SHB: variants seen among roughly 807,000 people sequenced by gnomAD.
SHB encodes SH2 domain-containing adapter protein B.
In SHB, 20 loss-of-function variants were observed where a neutral mutation model predicts 52.3. The ratio of observed to expected loss-of-function variants is 0.38; its 90% confidence interval spans 0.27 to 0.56. The LOEUF is 0.56. Ranked by LOEUF, SHB falls within the 20% of genes least tolerant of loss-of-function variation. SHB has a pLI of 0.71. For synonymous variants in SHB, 397 were observed against 316.5 expected (o/e 1.25, Z -2.70); for missense variants, 825 against 723.3 (o/e 1.14, Z -1.61).
intron 2 of SHB, among the ~76,000 whole-genome samples, chr9:38,013,325 G>A (rs1821166367): frequency 6.6e-6 from 1 of 152,170 alleles, no homozygotes; most frequent in Non-Finnish European, 1.5e-5. Context: ...TCATTTAAAA[G>A]GCAAAGTCGG....
At chr9:37,935,453 T>C (rs1328238947) in intron 5 of SHB, among the ~76,000 whole-genome samples, 3 of 152,080 alleles carry the variant, frequency 2.0e-5, no homozygotes, top group Non-Finnish European at 4.4e-5. Context: ...TGGGGAGTTG[T>C]TGAAGGGATG....
At chr9:38,012,686 A>G (rs548937762) in intron 2 of SHB, among the ~76,000 whole-genome samples, 2 of 151,680 alleles carry the variant, frequency 1.3e-5, no homozygotes, top group African/African-American at 4.8e-5. Flanking sequence ...TGACCATCCC[A>G]TATCTGCTTG....
chr9:38,007,525 T>C (rs537361300), intron 2 of SHB, among the ~76,000 whole-genome samples: 76 of 152,234 alleles, frequency 5.0e-4, no homozygotes, highest in African/African-American at 1.8e-3. Context: ...AGCAAGTGGC[T>C]AAACTCAGAC....
chr9:38,049,350 T>G (rs978739252), intron 1 of SHB, among the ~76,000 whole-genome samples: 2 of 152,048 alleles, frequency 1.3e-5, no homozygotes, highest in Non-Finnish European at 1.5e-5. Context: ...GGCTCATGCC[T>G]GTAATCCCAG....
intron 3 of SHB, among the ~76,000 whole-genome samples, chr9:37,963,186 T>C (rs1196371602): frequency 1.3e-5 from 2 of 151,782 alleles, no homozygotes; most frequent in African/African-American, 4.8e-5. Flanking sequence ...GGATAGGGGG[T>C]CATTCAAAGA....
intron 5 of SHB, among the ~76,000 whole-genome samples, chr9:37,925,249 C>T (rs1302721515): frequency 6.6e-6 from 1 of 152,232 alleles, no homozygotes; most frequent in Non-Finnish European, 1.5e-5. Flanking sequence ...GCTGGTCGAC[C>T]TTGTCCCTGA....
intron 2 of SHB, among the ~76,000 whole-genome samples, chr9:38,010,174 C>T (rs903952510): frequency 2.0e-5 from 3 of 152,212 alleles, no homozygotes; most frequent in African/African-American, 4.8e-5. Context: ...GCTCAGTATT[C>T]TCCTCTGTAA....
chr9:37,977,520 G>A (rs1014622752), intron 2 of SHB, among the ~76,000 whole-genome samples: 7 of 152,220 alleles, frequency 4.6e-5, no homozygotes, highest in African/African-American at 1.7e-4. Context: ...GAGTAAACTC[G>A]GATCATTTAT....
intron 1 of SHB, among the ~76,000 whole-genome samples, chr9:38,017,541 C>T (rs1303427944): frequency 6.6e-6 from 1 of 152,240 alleles, no homozygotes; most frequent in Non-Finnish European, 1.5e-5. Flanking sequence ...GCAGCTCTGT[C>T]CCTGGCAAGT....
intron 5 of SHB, among the ~76,000 whole-genome samples, chr9:37,940,652 C>T (rs1451358541): frequency 6.6e-6 from 1 of 152,196 alleles, no homozygotes; most frequent in African/African-American, 2.4e-5. Context: ...AAACAGCTTG[C>T]CTGCTGGGAA....
chr9:38,068,334 G>C lies in SHB; in HGVS notation c.312C>G (p.Arg104=), dbSNP rs1822003494. 1.3e-6 allele frequency: 2 copies of C among 1,545,026 alleles called. No individual in the cohort carries two copies. The highest frequency in any genetic ancestry group is 1.7e-6 in the Non-Finnish European group (2 of 1,150,960). The stretch of plus-strand genomic sequence containing the variant: ...CCAGGCGGCACATGGCGCGCAGTTT[G>C]CGCAGCGACGAGCCAGGCCCGTTGT... The part of the protein sequence containing the change: ...DPYNGPGSSL[R]KLRAMCRLDY... The change falls in exon 1 of 6, where the codon CGC becomes CGG. Residue 104 remains arginine (R), a synonymous_variant. Coordinates refer to ENST00000377707, the MANE Select transcript of SHB (RefSeq NM_003028.3).
At chr9:38,033,010 G>A (rs1257237604) in intron 1 of SHB, among the ~76,000 whole-genome samples, 2 of 152,188 alleles carry the variant, frequency 1.3e-5, no homozygotes, top group African/African-American at 4.8e-5. Flanking sequence ...TGACTGTAAA[G>A]AAAACCTGAT....
intron 5 of SHB, among the ~76,000 whole-genome samples, chr9:37,943,962 C>T (rs17418637): frequency 1.6e-3 from 243 of 152,248 alleles, no homozygotes; most frequent in Middle Eastern, 0.01. Flanking sequence ...GCCAGCCTTT[C>T]CAGAGACAGG....
intron 3 of SHB, among the ~76,000 whole-genome samples, chr9:37,962,625 G>A (rs959334617): frequency 7.3e-5 from 11 of 151,582 alleles, no homozygotes. Flanking sequence ...TCCTACCTCA[G>A]CCTCCCAAGC....
chr9:37,932,273 C>CAAAAA (rs56281324), intron 5 of SHB, among the ~76,000 whole-genome samples: 59 of 56,562 alleles, frequency 1.0e-3, no homozygotes, highest in East Asian at 1.7e-3. Context: ...AACTCCATCT[C>CAAAAA]AAAAAAAAAA....
chr9:37,943,277 T>C (rs1406344986), intron 5 of SHB, among the ~76,000 whole-genome samples: 4 of 152,176 alleles, frequency 2.6e-5, no homozygotes, highest in African/African-American at 2.4e-5. Context: ...GAAACTTTCA[T>C]AGAAAGAGTA....
chr9:38,018,759 T>G (rs946655835), intron 1 of SHB, among the ~76,000 whole-genome samples: 4 of 152,124 alleles, frequency 2.6e-5, no homozygotes, highest in Admixed American at 6.5e-5. Flanking sequence ...TCAACCAGAG[T>G]GCCCTGTGAA....
intron 1 of SHB, among the ~76,000 whole-genome samples, chr9:38,039,798 C>T (rs1821547673): frequency 6.6e-6 from 1 of 152,240 alleles, no homozygotes; most frequent in Admixed American, 6.5e-5. Context: ...GCGAGGGCAG[C>T]GGCTGGTCCA....
chr9:37,922,676 AC>A (rs911661010), intron 5 of SHB, among the ~76,000 whole-genome samples: 21 of 152,104 alleles, frequency 1.4e-4, no homozygotes, highest in African/African-American at 5.1e-4. Flanking sequence ...GGCTCCATGA[AC>A]CTCTAGTCTG....
Sources: gnomAD v4.1 joint callset for allele counts (sites outside exome capture counted in the v4.1 genomes callset) on GRCh38, gnomAD v4.1.1 for gene constraint, MANE v1.5 for transcripts, NCBI Gene and HGNC (gene_info 2026-07-23, HGNC 2026-07-21) for gene names.